FRMD7: variants seen among roughly 807,000 people sequenced by gnomAD.
FRMD7 encodes FERM domain containing 7, also known as FERM domain-containing protein 7.
A neutral mutation model predicts 44.1 loss-of-function variants in FRMD7; 14 were observed. The ratio of observed to expected loss-of-function variants is 0.32; its 90% confidence interval spans 0.21 to 0.50. FRMD7 has a LOEUF of 0.50. Among genes scored for constraint, FRMD7 ranks in the 20% least tolerant of loss-of-function variants. FRMD7 has a pLI of 0.99. For missense variants in FRMD7, 501 were observed against 522.3 expected (o/e 0.96, Z 0.40); for synonymous variants, 212 against 187.4 (o/e 1.13, Z -1.07).
intron 1 of FRMD7, among the ~76,000 whole-genome samples, chrX:132,123,226 G>A (rs1929079298): frequency 9.0e-6 from 1 of 111,563 alleles, no homozygotes; most frequent in African/African-American, 3.3e-5. Context: ...GGCTCAAATA[G>A]CCTAAGTGAC....
rs772834154 is a variant in FRMD7, at chrX:132,078,056, T to G, written c.1961A>C (p.Glu654Ala). 17 of 1,209,649 alleles carry G rather than the reference T, an allele frequency of 1.4e-5. No homozygotes were observed. The East Asian group carries it at 5.0e-4, about 36-fold the overall frequency. Residue 654 changes from glutamate (E) to alanine (A), a missense_variant, in exon 12 of 12, where the codon GAA becomes GCA. Transcript: ENST00000298542. ...RYVASESSDS[E>A]SEILKPDYYA... ...GTAGTCTGGTTTAAGAATCTCTGAT[T>G]CAGAATCACTGGATTCACTAGCTAC...
At chrX:132,121,525 A>G (rs1929032609) in intron 1 of FRMD7, among the ~76,000 whole-genome samples, 1 of 110,227 alleles carries the variant, frequency 9.1e-6, no homozygotes, top group Non-Finnish European at 1.9e-5. Context: ...AGTGTTTTAC[A>G]TATATTAATT....
Position 132,078,544 on chromosome X carries a change from C to T in FRMD7, c.1473G>A (p.Met491Ile), listed in dbSNP as rs181962233. 4 of 1,211,643 alleles carry T rather than the reference C, an allele frequency of 3.3e-6. No homozygotes were observed. In the South Asian group the frequency reaches 5.3e-5, roughly 16 times the overall value. The change falls in exon 12 of 12, where the codon ATG becomes ATA. Residue 491 changes from methionine (M) to isoleucine (I), a missense_variant. Coordinates refer to ENST00000298542, the MANE Select transcript of FRMD7 (RefSeq NM_194277.3). ...CCACATAAAAAAAGACCTGGGGAGGCATAATACCAACCTGCTGACCTGTAC... is the reference window on the plus strand; with the variant it reads ...CCACATAAAAAAAGACCTGGGGAGGTATAATACCAACCTGCTGACCTGTAC... ...IPCTGQQVGIMPPQVFFYVDK... is the reference protein window; with the variant it reads ...IPCTGQQVGIIPPQVFFYVDK...
intron 1 of FRMD7, among the ~76,000 whole-genome samples, chrX:132,102,030 T>C (rs1236153517): frequency 9.0e-6 from 1 of 110,745 alleles, no homozygotes; most frequent in Admixed American, 9.6e-5. Flanking sequence ...CGCGGGGAAA[T>C]GTAGTTGGAA....
intron 9 of FRMD7, among the ~76,000 whole-genome samples, chrX:132,082,051 T>C (rs925143512): frequency 8.9e-6 from 1 of 112,100 alleles, no homozygotes; most frequent in African/African-American, 3.3e-5. Context: ...TTTCTTTCCA[T>C]GGTTTGCATA....
chrX:132,082,028 T>G (rs1316824134), intron 9 of FRMD7, among the ~76,000 whole-genome samples: 1 of 112,079 alleles, frequency 8.9e-6, no homozygotes, highest in Non-Finnish European at 1.9e-5. Flanking sequence ...ACCCAAAGGA[T>G]GCTGTTGAGC....
At chrX:132,124,091 T>G (rs1929099748) in intron 1 of FRMD7, among the ~76,000 whole-genome samples, 1 of 111,821 alleles carries the variant, frequency 8.9e-6, no homozygotes, top group South Asian at 3.7e-4. Flanking sequence ...TGTGCATGTG[T>G]GTATATTGAA....
chrX:132,108,803 C>A (rs1359084825), intron 1 of FRMD7, among the ~76,000 whole-genome samples: 2 of 111,320 alleles, frequency 1.8e-5, no homozygotes, highest in Admixed American at 1.9e-4. Flanking sequence ...GCGAGTCTCA[C>A]AAGATCTGAT....
At chrX:132,120,247 G>A (rs1423670361) in intron 1 of FRMD7, among the ~76,000 whole-genome samples, 1 of 112,678 alleles carries the variant, frequency 8.9e-6, no homozygotes, top group Non-Finnish European at 1.9e-5. Flanking sequence ...TGATGCAAAT[G>A]CAGGGTATTT....
At position 132,104,924 on chromosome X, in the gene FRMD7, A is replaced by T. The variant is rs149324839; in HGVS notation, c.58-4208T>A. Reference sequence around the variant, plus strand: ...AATGGTATGTATATCAAAAATTATTATGAGCACTAATGGCAAGAGTTGTTT... The same window carrying T: ...AATGGTATGTATATCAAAAATTATTTTGAGCACTAATGGCAAGAGTTGTTT... On this transcript the variant is annotated intron_variant, in intron 1 of 11. Transcript: ENST00000298542. 2.8e-4 allele frequency among the ~76,000 whole-genome samples: 31 copies of T among 112,434 alleles called. No homozygotes were observed. In the East Asian group the frequency reaches 8.7e-3, roughly 31 times the overall value.
chrX:132,106,277 A>G (rs956857133), intron 1 of FRMD7, among the ~76,000 whole-genome samples: 3 of 112,551 alleles, frequency 2.7e-5, no homozygotes, highest in South Asian at 3.7e-4. Context: ...ATCACTGATC[A>G]TTAGAGAAAT....
At chrX:132,083,057 C>T (rs1927870052) in intron 8 of FRMD7, among the ~76,000 whole-genome samples, 1 of 111,984 alleles carries the variant, frequency 8.9e-6, no homozygotes, top group Admixed American at 9.4e-5. Context: ...CTCAAGCAGT[C>T]TTCCTGACTC....
intron 5 of FRMD7, among the ~76,000 whole-genome samples, chrX:132,093,188 C>T (rs1231657994): frequency 1.8e-5 from 2 of 111,884 alleles, no homozygotes; most frequent in African/African-American, 3.3e-5. Context: ...CTAAGCACTG[C>T]ATTCTGGGGC....
intron 1 of FRMD7, among the ~76,000 whole-genome samples, chrX:132,118,228 C>A (rs921986198): frequency 1.8e-5 from 2 of 110,717 alleles, no homozygotes; most frequent in African/African-American, 6.6e-5. Context: ...AGTTGTATGA[C>A]CTTGAGCTCA....
In FRMD7 at chrX:132,077,764, A is replaced by C; in HGVS notation, c.*108T>G. ...AGGCATCCAAAATGAGATTTCCTTA[A>C]TACCAATGAATATGTAGTAACCAAG... On this transcript the variant is annotated 3_prime_UTR_variant, in exon 12 of 12. Coordinates refer to ENST00000298542, the MANE Select transcript of FRMD7 (RefSeq NM_194277.3). 1.6e-4 allele frequency: 169 copies of C among 1,089,116 alleles called. No homozygotes were observed. The highest frequency in any genetic ancestry group is 1.9e-4 in the Non-Finnish European group (155 of 801,092). 89.8% of individuals were successfully genotyped at this position (1,089,116 alleles called of 1,213,427 possible). A position where few individuals can be genotyped will look rare whatever the true frequency, so the allele number is the denominator to read the frequency against.
At chrX:132,092,036 C>T (rs932143623) in intron 5 of FRMD7, among the ~76,000 whole-genome samples, 3 of 111,895 alleles carry the variant, frequency 2.7e-5, no homozygotes, top group Non-Finnish European at 3.8e-5. Context: ...GATTTTCCCC[C>T]GCTGCCAAAA....
chrX:132,105,716 G>A (rs1048751428), intron 1 of FRMD7, among the ~76,000 whole-genome samples: 3 of 111,406 alleles, frequency 2.7e-5, no homozygotes, highest in African/African-American at 9.8e-5. Context: ...CACAACTACA[G>A]CCATCAAATC....
chrX:132,087,007 A>G lies in FRMD7; in HGVS notation c.383-973T>C, dbSNP rs139859482. Among the ~76,000 whole-genome samples the G allele has an allele frequency of 5.0e-3, 557 of 112,178 alleles. 1 individual carries two copies. Among genetic ancestry groups the G allele is most frequent in the African/African-American group, 0.017 (529 of 30,933 alleles). On this transcript the variant is annotated intron_variant, in intron 5 of 11. Coordinates refer to ENST00000298542, the MANE Select transcript of FRMD7 (RefSeq NM_194277.3). ...ATGATCATAATTTGCTCTTTTCTAG[A>G]TGCCTCCAGTTTATTTTTATGAAAC...
At chrX:132,094,337 C>T (rs1033858908) in intron 4 of FRMD7, 198 bp from the exon 5 acceptor site, 1 of 421,559 alleles carries the variant, frequency 2.4e-6, no homozygotes, top group Non-Finnish European at 4.2e-6. Flanking sequence ...GCTGATTGAA[C>T]ACTTTGGCAG....
Sources: allele counts gnomAD v4.1 joint callset (sites outside exome capture counted in the v4.1 genomes callset), GRCh38; gene constraint gnomAD v4.1.1; transcripts MANE v1.5; gene names NCBI Gene and HGNC (gene_info 2026-07-23, HGNC 2026-07-21).